Variants in CTTN observed in about 807,000 individuals in gnomAD.
CTTN encodes cortactin, also known as src substrate cortactin.
Under a neutral mutation model 84.0 loss-of-function variants are expected in CTTN, and 28 were observed. The observed-to-expected ratio is 0.33, with a 90% CI of 0.25 to 0.46. The LOEUF (loss-of-function observed/expected upper bound fraction) is 0.46. Among genes scored for constraint, CTTN ranks in the 20% least tolerant of loss-of-function variants. The pLI is 1.00. For synonymous variants in CTTN, 301 were observed against 288.8 expected (o/e 1.04, Z -0.43); for missense variants, 641 against 723.8 (o/e 0.89, Z 1.31).
rs746321401 is a variant in CTTN, at chr11:70,431,287, G to A, written c.1266+7G>A. 1.2e-6 allele frequency: 2 copies of A among 1,613,866 alleles called. No individual in the cohort carries two copies. The highest frequency in any genetic ancestry group is 2.7e-5 in the African/African-American group (2 of 74,924). ...CTCGAGCCCCGTCTATGAGGTTGGT[G>A]TCTTTGGTGTTTGAATGAGCGTGAG... On this transcript the variant is annotated splice_region_variant and intron_variant, in intron 15 of 17. Coordinates refer to ENST00000301843, the MANE Select transcript of CTTN (RefSeq NM_005231.4).
chr11:70,429,203 A>C lies in CTTN; in HGVS notation c.1176+4A>C. 1.2e-6 allele frequency: 2 copies of C among 1,609,792 alleles called. No individual in the cohort carries two copies. The highest frequency in any genetic ancestry group is 1.7e-6 in the Non-Finnish European group (2 of 1,178,460). ...AGAGGCCAGGAGGAAGCTGGAGGTG[A>C]GTGGCAAGGAGTGGGCCGCAGCGCA... On this transcript the variant is annotated splice_donor_region_variant and intron_variant, in intron 14 of 17. Coordinates refer to ENST00000301843, the MANE Select transcript of CTTN (RefSeq NM_005231.4).
chr11:70,408,855 A>G (rs2058071619), intron 4 of CTTN, among the ~76,000 whole-genome samples: 2 of 151,942 alleles, frequency 1.3e-5, no homozygotes, highest in East Asian at 1.9e-4. Context: ...AGCCTTGGGT[A>G]TTTGCTATGG....
rs2135582679 is a variant in CTTN, at chr11:70,422,981, G to A, written c.943G>A (p.Asp315Asn). The A allele has an allele frequency of 6.2e-7, 1 of 1,614,038 alleles. No homozygotes were observed. The highest frequency in any genetic ancestry group is 8.5e-7 in the Non-Finnish European group (1 of 1,179,994). ...CGGCGGGAAGTATGGGGTGCAGAAG[G>A]ATCGGATGGATAAGGTAAATATTCC... is the stretch of plus-strand genomic sequence containing the variant. ...GFGGKYGVQK[D>N]RMDKNASTFE... Residue 315 changes from aspartate (D) to asparagine (N), a missense_variant, in exon 12 of 18, where the codon GAT (aspartate) becomes AAT (asparagine). Physicochemically the swap from Asp to Asn is conservative, Grantham distance 23. Coordinates refer to ENST00000301843, the MANE Select transcript of CTTN (RefSeq NM_005231.4).
chr11:70,429,667 C>T (rs1469571550), intron 14 of CTTN, among the ~76,000 whole-genome samples: 1 of 152,140 alleles, frequency 6.6e-6, no homozygotes, highest in East Asian at 1.9e-4. Context: ...AGCCCAGCCC[C>T]GCTCACCCAA....
rs377134052 is a variant in CTTN, at chr11:70,429,213, A to T, written c.1176+14A>T. 1,878 of 1,606,996 alleles carry T rather than the reference A, an allele frequency of 1.2e-3. No homozygotes were observed. Among genetic ancestry groups the T allele is most frequent in the Non-Finnish European group, 1.4e-3 (1,676 of 1,177,116 alleles). ...AGGAAGCTGGAGGTGAGTGGCAAGGAGTGGGCCGCAGCGCACCCTCCCTGG... is the reference window on the plus strand; with the variant it reads ...AGGAAGCTGGAGGTGAGTGGCAAGGTGTGGGCCGCAGCGCACCCTCCCTGG... On this transcript the variant is annotated intron_variant, in intron 14 of 17. Coordinates refer to ENST00000301843, the MANE Select transcript of CTTN (RefSeq NM_005231.4).
intron 15 of CTTN, 123 bp downstream of exon 15, chr11:70,431,403 C>A: frequency 3.0e-6 from 3 of 1,002,848 alleles, no homozygotes; most frequent in Non-Finnish European, 4.6e-6. Context: ...GGCATCGCTG[C>A]ATTCCACGCC....
chr11:70,404,306 C>T lies in CTTN; in HGVS notation c.-97-959C>T, dbSNP rs532720345. On this transcript the variant is annotated intron_variant, in intron 1 of 17. Transcript: ENST00000301843. ...TTCCTAGGGACAAGGGGATTTCATT[C>T]GTCCATGTGTGTTGTCTAGCAGTAT... 2.0e-4 allele frequency among the ~76,000 whole-genome samples: 30 copies of T among 152,298 alleles called. No individual in the cohort carries two copies. The East Asian group carries it at 4.4e-3, about 23-fold the overall frequency.
intron 13 of CTTN, among the ~76,000 whole-genome samples, chr11:70,428,117 C>T (rs1473156276): frequency 6.7e-6 from 1 of 149,486 alleles, no homozygotes; most frequent in Non-Finnish European, 1.5e-5. Context: ...CCGCCACAGT[C>T]CCGGACACAG....
At chr11:70,426,441 GTTTA>G (rs1390968756) in intron 13 of CTTN, among the ~76,000 whole-genome samples, 1 of 151,820 alleles carries the variant, frequency 6.6e-6, no homozygotes, top group African/African-American at 2.4e-5. Context: ...GAGAGGAATG[GTTTA>G]TTTATTTATT....
At chr11:70,420,115 G>A in intron 9 of CTTN, 4 of 597,740 alleles carry the variant, frequency 6.7e-6, no homozygotes, top group Non-Finnish European at 1.2e-5. Context: ...TGTTGCCCGT[G>A]TGAGCCTGTG....
chr11:70,420,319 A>T, intron 9 of CTTN, 81 bp from the exon 10 acceptor site: 1 of 888,814 alleles, frequency 1.1e-6, no homozygotes, highest in Non-Finnish European at 1.9e-6. Context: ...ATATGCGTTT[A>T]ACTGTATTGA....
At chr11:70,425,545 C>T (rs1591447251) in intron 13 of CTTN, 144 bp downstream of exon 13, 1 of 658,346 alleles carries the variant, frequency 1.5e-6, no homozygotes, top group African/African-American at 1.8e-5. Flanking sequence ...AGAAAATGAT[C>T]GTTCTGATGA....
At chr11:70,398,731 TC>T (rs2057938747) in intron 1 of CTTN, 117 bp downstream of exon 1, 3 of 151,904 alleles carry the variant, frequency 2.0e-5, no homozygotes, top group African/African-American at 7.3e-5. Flanking sequence ...TCACCGCTCT[TC>T]CGCTTGCGGT....
Position 70,407,533 on chromosome 11 carries a change from A to G in CTTN, c.103A>G (p.Lys35Glu). The change falls in exon 4 of 18, where the codon AAG (lysine) becomes GAG (glutamate). Residue 35 changes from lysine to glutamate, a missense_variant. Around this residue, in one of 3 missense-constraint regions of CTTN, gnomAD observed 284 missense variants for 348.4 expected, o/e 0.82. Coordinates refer to ENST00000301843, the MANE Select transcript of CTTN (RefSeq NM_005231.4). ...TTCTTTTCAGAATGATGTGAGTGAG[A>G]AGGAGCAAAGATGGGGTGCCAAGAC... ...DPDFVNDVSE[K>E]EQRWGAKTVQ... 1 of 1,613,088 alleles carries G rather than the reference A, an allele frequency of 6.2e-7. No homozygotes were observed. Among genetic ancestry groups the G allele is most frequent in the Non-Finnish European group, 8.5e-7 (1 of 1,179,572 alleles).
Position 70,435,352 on chromosome 11 carries a change from C to G in CTTN, c.*190C>G, listed in dbSNP as rs1456058172. On this transcript the variant is annotated 3_prime_UTR_variant, in exon 18 of 18. Coordinates refer to ENST00000301843, the MANE Select transcript of CTTN (RefSeq NM_005231.4). The stretch of plus-strand genomic sequence containing the variant: ...GCTGATGCTTTTGAAAATGTTTATG[C>G]CACAGAATTTGCTAATATATTGTAA... 10 of 1,456,352 alleles carry G rather than the reference C, an allele frequency of 6.9e-6. No individual in the cohort carries two copies. Among genetic ancestry groups the G allele is most frequent in the South Asian group, 1.4e-5 (1 of 73,316 alleles). The allele number at this position is 1,456,352 out of a possible 1,614,324, so 90.2% of individuals were successfully genotyped here.
rs572596254 is a variant in CTTN at position 70,414,683 on chromosome 11, G to T, written c.402+31G>T. 1.7e-5 allele frequency: 27 copies of T among 1,547,272 alleles called. No individual in the cohort carries two copies. In the Admixed American group the frequency reaches 3.7e-4, roughly 21 times the overall value. ...TGATGTGGCACTGGGACTGGGGCAG[G>T]TTGGGGCAAGGGGGGCGTTCCCCGT... is the stretch of plus-strand genomic sequence containing the variant. On this transcript the variant is annotated intron_variant, in intron 6 of 17. Coordinates refer to ENST00000301843, the MANE Select transcript of CTTN (RefSeq NM_005231.4).
In CTTN at chr11:70,422,719, C is replaced by T. The variant is rs1169245410; in HGVS notation, c.902-221C>T. 4 of 1,450,718 alleles carry T rather than the reference C, an allele frequency of 2.8e-6. No individual in the cohort carries two copies. The African/African-American group carries it at 5.7e-5, about 21-fold the overall frequency. The allele number at this position is 1,450,718 out of a possible 1,614,324, so 89.9% of individuals were successfully genotyped here. ...TCCTGCCCCTCAGGGAATGCTGAAGCCTCTGCCCCTGGCCTGTGCTCTGCT... is the reference window on the plus strand; with the variant it reads ...TCCTGCCCCTCAGGGAATGCTGAAGTCTCTGCCCCTGGCCTGTGCTCTGCT... On this transcript the variant is annotated intron_variant, in intron 11 of 17. Transcript: ENST00000301843.
Position 70,435,217 on chromosome 11 carries a change from CCTT to C in CTTN, c.*59_*61del. ...CTGGATCCTCACACTACAGATCAGG[CCTT>C]CTTTGGTTCTTGGGTGGTTTTGGGT... On this transcript the variant is annotated 3_prime_UTR_variant, in exon 18 of 18. Coordinates refer to ENST00000301843, the MANE Select transcript of CTTN (RefSeq NM_005231.4). The C allele has an allele frequency of 6.7e-7, 1 of 1,499,752 alleles. No individual in the cohort carries two copies. Among genetic ancestry groups the C allele is most frequent in the Non-Finnish European group, 8.8e-7 (1 of 1,137,216 alleles). The allele number at this position is 1,499,752 out of a possible 1,614,324, so 92.9% of individuals were successfully genotyped here. A position where few individuals can be genotyped will look rare whatever the true frequency, so the allele number is the denominator to read the frequency against.
intron 1 of CTTN, among the ~76,000 whole-genome samples, chr11:70,404,536 A>T (rs2058021850): frequency 6.6e-6 from 1 of 152,214 alleles, no homozygotes; most frequent in African/African-American, 2.4e-5. Flanking sequence ...CCATATCATG[A>T]TCCTCTCAAG....
Sources: gnomAD v4.1 joint callset for allele counts (sites outside exome capture counted in the v4.1 genomes callset) on GRCh38, gnomAD v4.1.1 for gene constraint, gnomAD v4.1.1 regional missense constraint, MANE v1.5 for transcripts, NCBI Gene and HGNC (gene_info 2026-07-23, HGNC 2026-07-21) for gene names.